Variants in DPP6 observed in about 807,000 individuals in gnomAD.
The protein encoded by DPP6 is dipeptidyl peptidase like 6.
Under a neutral mutation model 122.6 loss-of-function variants are expected in DPP6, and 69 were observed. The ratio of observed to expected loss-of-function variants is 0.56; its 90% CI spans 0.46 to 0.69. The LOEUF is 0.69. DPP6 is among the 30% of genes least tolerant of loss of function. DPP6 has a pLI of 0.00. For missense variants in DPP6, 928 were observed against 1,116.9 expected, an observed-to-expected ratio of 0.83 and a Z score of 2.41; for synonymous variants, 418 against 433.1, an observed-to-expected ratio of 0.97 and a Z score of 0.43.
the DPP6 span, among the ~76,000 whole-genome samples, chr7:153,881,600 TCATG>T: frequency 3.0e-4 from 45 of 152,282 alleles, no homozygotes; most frequent in African/African-American, 1.0e-3. Context: ...AAAGTATGGA[TCATG>T]CTATATCAAT....
the DPP6 span, among the ~76,000 whole-genome samples, chr7:153,850,850 C>A: frequency 0.27 from 41,031 of 151,992 alleles, 5,759 homozygotes; most frequent in South Asian, 0.44. Context: ...ACACATGGGG[C>A]TTATTAGAAT....
chr7:153,856,521 T>G, the DPP6 span, among the ~76,000 whole-genome samples: 1 of 152,338 alleles, frequency 6.6e-6, no homozygotes, highest in East Asian at 1.9e-4. Context: ...TTAGTACACA[T>G]CTGGGGTATT....
chr7:154,255,383 T>A (rs2150903965), intron 1 of DPP6, among the ~76,000 whole-genome samples: 1 of 152,320 alleles, frequency 6.6e-6, no homozygotes, highest in East Asian at 1.9e-4. Flanking sequence ...GCAGCAGGCT[T>A]AGATGAATTA....
chr7:154,745,852 C>G, intron 8 of DPP6, among the ~76,000 whole-genome samples: 1 of 151,506 alleles, frequency 6.6e-6, no homozygotes, highest in Non-Finnish European at 1.5e-5. Flanking sequence ...AAATCCACCC[C>G]CATGACCCAC....
chr7:154,600,173 G>T (rs1365245653), intron 5 of DPP6, among the ~76,000 whole-genome samples: 5 of 151,442 alleles, frequency 3.3e-5, no homozygotes, highest in Non-Finnish European at 5.9e-5. Flanking sequence ...TGTTGACCAG[G>T]CTGGAGTACA....
the DPP6 span, among the ~76,000 whole-genome samples, chr7:153,828,615 T>C: frequency 6.6e-6 from 1 of 152,210 alleles, no homozygotes; most frequent in East Asian, 1.9e-4. Context: ...AGTATATTCC[T>C]GCGCAAAATA....
the DPP6 span, among the ~76,000 whole-genome samples, chr7:153,872,853 A>T: frequency 6.6e-6 from 1 of 152,194 alleles, no homozygotes; most frequent in Non-Finnish European, 1.5e-5. Context: ...TTTTGAACAG[A>T]TTTCCATATA....
chr7:153,882,152 C>T (rs927429170), upstream of DPP6, among the ~76,000 whole-genome samples: 1 of 152,180 alleles, frequency 6.6e-6, no homozygotes, highest in African/African-American at 2.4e-5. Flanking sequence ...CGATTATTAT[C>T]ATACCTGTGT....
intron 1 of DPP6, among the ~76,000 whole-genome samples, chr7:154,365,681 C>T (rs4446658): frequency 0.23 from 34,324 of 152,038 alleles, 7,503 homozygotes; most frequent in African/African-American, 0.57. Flanking sequence ...GGGCCAGGCG[C>T]GGTGGCTCAT....
At chr7:154,466,703 C>T (rs143642816) in intron 2 of DPP6, among the ~76,000 whole-genome samples, 39 of 152,308 alleles carry the variant, frequency 2.6e-4, no homozygotes, top group East Asian at 9.6e-4. Context: ...TTTGTTGGTA[C>T]GTACAATTCA....
At chr7:154,281,764 G>A (rs1184812214) in intron 1 of DPP6, among the ~76,000 whole-genome samples, 2 of 152,154 alleles carry the variant, frequency 1.3e-5, no homozygotes, top group Non-Finnish European at 2.9e-5. Flanking sequence ...ACGGATTTCA[G>A]CATCAGAATT....
At chr7:153,816,576 A>G in the DPP6 span, among the ~76,000 whole-genome samples, 4 of 152,238 alleles carry the variant, frequency 2.6e-5, no homozygotes, top group African/African-American at 4.8e-5. Context: ...AAAATGATTG[A>G]AATAAGAGTA....
At chr7:154,850,379 C>T (rs1038126693) in intron 16 of DPP6, among the ~76,000 whole-genome samples, 5 of 151,514 alleles carry the variant, frequency 3.3e-5, no homozygotes, top group African/African-American at 1.2e-4. Flanking sequence ...GTTCATCAGG[C>T]ATATTAGACT....
the DPP6 span, among the ~76,000 whole-genome samples, chr7:153,762,542 G>A: frequency 3.3e-5 from 5 of 151,926 alleles, no homozygotes; most frequent in South Asian, 2.1e-4. Context: ...AGGCCAAGGC[G>A]TGTGGATCAC....
At chr7:154,411,061 G>A (rs538655744) in intron 1 of DPP6, among the ~76,000 whole-genome samples, 1 of 152,148 alleles carries the variant, frequency 6.6e-6, no homozygotes, top group South Asian at 2.1e-4. Flanking sequence ...ATATTCCCTT[G>A]GAAGATCACA....
chr7:153,978,729 G>A (rs936295034), intron 1 of DPP6, among the ~76,000 whole-genome samples: 2 of 152,156 alleles, frequency 1.3e-5, no homozygotes, highest in African/African-American at 2.4e-5. Flanking sequence ...TTTGTATAAA[G>A]TGTAAGGAAA....
intron 2 of DPP6, among the ~76,000 whole-genome samples, chr7:154,460,770 G>A (rs985324249): frequency 6.6e-5 from 10 of 152,050 alleles, no homozygotes; most frequent in Admixed American, 1.3e-4. Flanking sequence ...TTTTGATACA[G>A]GCATGCATGA....
intron 1 of DPP6, among the ~76,000 whole-genome samples, chr7:154,115,075 T>C (rs1437347713): frequency 6.6e-6 from 1 of 152,188 alleles, no homozygotes. Context: ...CAGAAGAAAC[T>C]CAAGGACCAG....
At chr7:154,437,027 G>A (rs957287027) in intron 1 of DPP6, among the ~76,000 whole-genome samples, 12 of 152,158 alleles carry the variant, frequency 7.9e-5, no homozygotes, top group African/African-American at 2.4e-4. Context: ...TCTGTTACAT[G>A]GAATACACCA....
Sources: gnomAD v4.1 joint callset for allele counts (sites outside exome capture counted in the v4.1 genomes callset) on GRCh38, gnomAD v4.1.1 for gene constraint, MANE v1.5 for transcripts, NCBI Gene and HGNC (gene_info 2026-07-23, HGNC 2026-07-21) for gene names.